The following TAF8 variants were observed in gnomAD, a reference collection of about 807,000 sequenced individuals.
TAF8 encodes transcription initiation factor TFIID subunit 8.
A neutral mutation model predicts 36.5 loss-of-function variants in TAF8; 47 were observed. The observed-to-expected ratio is 1.29, with a 90% CI of 1.02 to 1.64. The LOEUF (loss-of-function observed/expected upper bound fraction) is 1.64. Among genes scored for constraint, TAF8 ranks in the 40% most tolerant of loss-of-function variants. The probability of loss-of-function intolerance (pLI) is 0.00; values close to 1 mark genes in which losing one functional copy is unlikely to be tolerated. For synonymous variants in TAF8, 175 were observed against 159.5 expected (o/e 1.10, Z -0.73); for missense variants, 420 against 407.6 (o/e 1.03, Z -0.26).
intron 7 of TAF8, among the ~76,000 whole-genome samples, chr6:42,074,920 A>G (rs1765693399): frequency 6.7e-6 from 1 of 149,276 alleles, no homozygotes; most frequent in South Asian, 2.1e-4. Context: ...GGACATTTCT[A>G]TGAGGCCTGC....
At chr6:42,058,838 G>C (rs909485531) in intron 5 of TAF8, among the ~76,000 whole-genome samples, 3 of 152,156 alleles carry the variant, frequency 2.0e-5, no homozygotes, top group Non-Finnish European at 4.4e-5. Flanking sequence ...GTCCCTCCTT[G>C]CCTCTTCCTA....
intron 2 of TAF8, among the ~76,000 whole-genome samples, chr6:42,053,008 T>C (rs1435220807): frequency 6.6e-6 from 1 of 152,216 alleles, no homozygotes; most frequent in African/African-American, 2.4e-5. Context: ...TATTTGGCAC[T>C]TTTAAATACC....
At chr6:42,055,163 A>G (rs558930540) in intron 2 of TAF8, among the ~76,000 whole-genome samples, 79 of 152,014 alleles carry the variant, frequency 5.2e-4, no homozygotes, top group African/African-American at 1.8e-3. Flanking sequence ...ACCTCAGGTG[A>G]TCCACTGGCC....
At chr6:42,066,663 G>T (rs548967677) in intron 6 of TAF8, among the ~76,000 whole-genome samples, 2 of 152,132 alleles carry the variant, frequency 1.3e-5, no homozygotes, top group Middle Eastern at 3.2e-3. Context: ...GTCTCTGTTG[G>T]GACTGGCTGC....
intron 5 of TAF8, 60 bp from the exon 6 acceptor site, chr6:42,066,252 C>T: frequency 6.3e-7 from 1 of 1,596,526 alleles, no homozygotes; most frequent in Non-Finnish European, 8.5e-7. Context: ...AGCCAGGGAG[C>T]TGATGAAAGC....
intron 7 of TAF8, among the ~76,000 whole-genome samples, chr6:42,075,713 C>T (rs1309023194): frequency 2.6e-5 from 4 of 152,092 alleles, no homozygotes; most frequent in African/African-American, 4.8e-5. Flanking sequence ...GGGCGCAGCC[C>T]GACCAAACGT....
At chr6:42,084,141 A>T (rs940509263), downstream of TAF8, among the ~76,000 whole-genome samples, 5 of 146,152 alleles carry the variant, frequency 3.4e-5, no homozygotes, top group Non-Finnish European at 7.4e-5. Flanking sequence ...AGATTGTGCC[A>T]CTGCACTCCA....
rs752586050 is a variant in TAF8 at position 42,068,555 on chromosome 6, C to T, written c.728C>T (p.Ser243Leu). The change falls in exon 7 of 9, where the codon TCG (serine) becomes TTG (leucine). Residue 243 changes from serine to leucine, a missense_variant. Physicochemically the swap from Ser to Leu is moderately radical, Grantham distance 145. Coordinates refer to ENST00000372977, the MANE Select transcript of TAF8 (RefSeq NM_138572.3). ...CAACAAATGGAAGAGACAGATTCCTCGGAGCAGGATGAACAGACAGACACA... is the reference window on the plus strand; with the variant it reads ...CAACAAATGGAAGAGACAGATTCCTTGGAGCAGGATGAACAGACAGACACA... ...EMQQMEETDS[S>L]EQDEQTDTEN... The T allele has an allele frequency of 1.1e-5, 17 of 1,613,906 alleles. No individual in the cohort carries two copies. The highest frequency in any genetic ancestry group is 5.5e-5 in the South Asian group (5 of 91,084).
intron 6 of TAF8, among the ~76,000 whole-genome samples, chr6:42,067,940 C>T (rs1182813153): frequency 6.6e-6 from 1 of 152,190 alleles, no homozygotes; most frequent in Non-Finnish European, 1.5e-5. Flanking sequence ...CTAGAACTCT[C>T]ATTGACCAGA....
chr6:42,079,733 T>TA lies in TAF8; in HGVS notation c.*2189dup. 2.0e-5 allele frequency: 12 copies of TA among 597,586 alleles called. No individual in the cohort carries two copies. The highest frequency in any genetic ancestry group is 2.1e-5 in the Non-Finnish European group (10 of 477,574). The allele number at this position is 597,586 out of a possible 1,614,324, so 37.0% of individuals were successfully genotyped here. On this transcript the variant is annotated 3_prime_UTR_variant, in exon 9 of 9. Transcript: ENST00000372977. ...CTGGCTAATTTTTTTTTTTTTTTTT[T>TA]AGTAGACACGGGATTTTGCTATGTT...
intron 7 of TAF8, among the ~76,000 whole-genome samples, chr6:42,076,853 C>T (rs770258281): frequency 2.6e-5 from 4 of 152,130 alleles, no homozygotes; most frequent in Admixed American, 6.5e-5. Context: ...CTGCCTTCTC[C>T]AGAGGTTCAA....
intron 7 of TAF8, among the ~76,000 whole-genome samples, chr6:42,071,768 T>C (rs1765586730): frequency 6.6e-6 from 1 of 152,196 alleles, no homozygotes; most frequent in Admixed American, 6.6e-5. Flanking sequence ...GGTCATGGAC[T>C]AAGTTGAGGT....
rs1765944708 is a variant in TAF8 at position 42,082,149 on chromosome 6, T to G, written c.*4604T>G. ...TCCGTGCAGTTTCATCGTGTAGATT[T>G]GTGTAACCACCAGCACACAAATGGT... On this transcript the variant is annotated 3_prime_UTR_variant, in exon 9 of 9. Coordinates refer to ENST00000372977, the MANE Select transcript of TAF8 (RefSeq NM_138572.3). 6.6e-6 allele frequency: 1 copy of G among 152,198 alleles called. No individual in the cohort carries two copies. The highest frequency in any genetic ancestry group is 2.1e-4 in the South Asian group (1 of 4,834). 9.4% of individuals were successfully genotyped at this position (152,198 alleles called of 1,614,324 possible). A position where few individuals can be genotyped will look rare whatever the true frequency, so the allele number is the denominator to read the frequency against.
At chr6:42,050,721 C>A in intron 1 of TAF8, 135 bp downstream of exon 1, 1 of 1,149,332 alleles carries the variant, frequency 8.7e-7, no homozygotes, top group Non-Finnish European at 1.2e-6. Flanking sequence ...TGTTTTCAGG[C>A]CGTAGGCGCC....
chr6:42,050,861 T>A, intron 1 of TAF8: 1 of 1,145,560 alleles, frequency 8.7e-7, no homozygotes, highest in South Asian at 3.3e-5. Context: ...GCCTTCTTAT[T>A]GGCCGGCCAA....
At chr6:42,058,974 T>A (rs544604668) in intron 5 of TAF8, among the ~76,000 whole-genome samples, 1 of 152,134 alleles carries the variant, frequency 6.6e-6, no homozygotes, top group Non-Finnish European at 1.5e-5. Context: ...GACTGGAGTT[T>A]TATTATTACT....
In TAF8 at chr6:42,082,270, C is replaced by T. The variant is rs1214939176; in HGVS notation, c.*4725C>T. The T allele has an allele frequency of 1.3e-5, 2 of 152,330 alleles. No individual in the cohort carries two copies. Among genetic ancestry groups the T allele is most frequent in the Admixed American group, 1.3e-4 (2 of 15,272 alleles). The allele number at this position is 152,330 out of a possible 1,614,324, so 9.4% of individuals were successfully genotyped here. ...TGCTCTTCCACTTCTCTCCTGGCAG[C>T]CACTACTCTGTTCTCTATCTCTAAT... On this transcript the variant is annotated 3_prime_UTR_variant, in exon 9 of 9. Coordinates refer to ENST00000372977, the MANE Select transcript of TAF8 (RefSeq NM_138572.3).
At chr6:42,064,692 C>T (rs1765298183) in intron 5 of TAF8, among the ~76,000 whole-genome samples, 1 of 152,004 alleles carries the variant, frequency 6.6e-6, no homozygotes, top group Non-Finnish European at 1.5e-5. Context: ...AAAATGCTAT[C>T]TCAGCCTGTA....
intron 3 of TAF8, 67 bp from the exon 4 acceptor site, chr6:42,055,885 A>G: frequency 9.2e-7 from 1 of 1,085,990 alleles, no homozygotes; most frequent in Non-Finnish European, 1.4e-6. Flanking sequence ...TGTCCATACT[A>G]CTACTATTCT....
Sources: gnomAD v4.1 joint callset for allele counts (sites outside exome capture counted in the v4.1 genomes callset) on GRCh38, gnomAD v4.1.1 for gene constraint, MANE v1.5 for transcripts, NCBI Gene and HGNC (gene_info 2026-07-23, HGNC 2026-07-21) for gene names.